The following MACROD2 variants were observed in gnomAD, a reference collection of about 807,000 sequenced individuals.
The protein encoded by MACROD2 is ADP-ribose glycohydrolase MACROD2.
MACROD2 carries 36 observed loss-of-function variants against 70.4 expected under a neutral mutation model. That is an observed-to-expected ratio of 0.51 (90% CI 0.39 to 0.68). MACROD2 has a LOEUF of 0.68. Among genes scored for constraint, MACROD2 ranks in the 30% least tolerant of loss-of-function variants. MACROD2 has a pLI of 0.00. For synonymous variants in MACROD2, 172 were observed against 178.8 expected, an observed-to-expected ratio of 0.96 and a Z score of 0.30; for missense variants, 496 against 538.4, an observed-to-expected ratio of 0.92 and a Z score of 0.78.
chr20:14,429,194 T>A (rs114652445), intron 3 of MACROD2, among the ~76,000 whole-genome samples: 1,797 of 152,268 alleles, frequency 0.012, 38 homozygotes, highest in African/African-American at 0.041. Flanking sequence ...GAGGTACAGG[T>A]TCTAAGGTTG....
At chr20:14,481,615 G>C (rs745374574) in intron 3 of MACROD2, among the ~76,000 whole-genome samples, 2 of 152,094 alleles carry the variant, frequency 1.3e-5, no homozygotes, top group Non-Finnish European at 2.9e-5. Flanking sequence ...GTGGGCATTG[G>C]ATATCCATCT....
intron 4 of MACROD2, among the ~76,000 whole-genome samples, chr20:14,608,520 T>C (rs566999262): frequency 7.2e-5 from 11 of 152,284 alleles, no homozygotes; most frequent in South Asian, 6.2e-4. Context: ...AACAGATCTT[T>C]CTGGATTTTA....
rs189171805 is a variant in MACROD2, at chr20:14,113,814, A to G, written c.271+28086A>G. Among the ~76,000 whole-genome samples the G allele has an allele frequency of 5.9e-5, 9 of 152,208 alleles. No homozygotes were observed. In the East Asian group the frequency reaches 1.7e-3, roughly 29 times the overall value. ...ATGCATAAGCCAGATTTCTCTTATG[A>G]TTCCCTTTGTGTTTATCCAATTCCT... On this transcript the variant is annotated intron_variant, in intron 3 of 17. Coordinates refer to ENST00000684519, the MANE Select transcript of MACROD2 (RefSeq NM_001351661.2).
intron 5 of MACROD2, among the ~76,000 whole-genome samples, chr20:14,774,006 T>G (rs1365256134): frequency 6.6e-6 from 1 of 152,120 alleles, no homozygotes; most frequent in Admixed American, 6.5e-5. Context: ...TAATATATAA[T>G]AGTTTTACAG....
intron 8 of MACROD2, among the ~76,000 whole-genome samples, chr20:15,714,916 A>G (rs559600795): frequency 1.6e-4 from 24 of 152,226 alleles, no homozygotes; most frequent in East Asian, 1.2e-3. Context: ...AAAGTTCCCC[A>G]GTTTTTTCAA....
At chr20:14,404,042 G>A (rs1464217870) in intron 3 of MACROD2, among the ~76,000 whole-genome samples, 1 of 151,994 alleles carries the variant, frequency 6.6e-6, no homozygotes, top group Non-Finnish European at 1.5e-5. Flanking sequence ...ATAATAAATT[G>A]AAAGTATAAT....
intron 3 of MACROD2, among the ~76,000 whole-genome samples, chr20:14,400,270 G>A (rs2083624103): frequency 1.3e-5 from 2 of 152,148 alleles, no homozygotes; most frequent in South Asian, 4.1e-4. Flanking sequence ...CAGTACCAGA[G>A]CAGATTTTAT....
chr20:15,318,406 T>C (rs1600235813), intron 6 of MACROD2, among the ~76,000 whole-genome samples: 1 of 152,068 alleles, frequency 6.6e-6, no homozygotes, highest in East Asian at 1.9e-4. Flanking sequence ...ATTTAAGCAA[T>C]TAACAGCAAT....
At chr20:14,451,628 A>G (rs2084246041) in intron 3 of MACROD2, among the ~76,000 whole-genome samples, 1 of 152,152 alleles carries the variant, frequency 6.6e-6, no homozygotes, top group South Asian at 2.1e-4. Context: ...GAGATTTCCC[A>G]GGGCACGTAG....
Position 14,211,467 on chromosome 20 carries a change from T to C in MACROD2, c.271+125739T>C, listed in dbSNP as rs111674994. On this transcript the variant is annotated intron_variant, in intron 3 of 17. Transcript: ENST00000684519. ...CAGAAATATTGATATATTTGATTAA[T>C]GTATGCTACTCCAGAATCTACTCAG... is the stretch of plus-strand genomic sequence containing the variant. 4.2e-3 allele frequency among the ~76,000 whole-genome samples: 645 copies of C among 152,312 alleles called. 9 individuals are homozygous for C. Among genetic ancestry groups the C allele is most frequent in the African/African-American group, 0.015 (609 of 41,574 alleles).
At chr20:14,860,594 T>A (rs1466453950) in intron 5 of MACROD2, among the ~76,000 whole-genome samples, 3 of 152,114 alleles carry the variant, frequency 2.0e-5, no homozygotes, top group Admixed American at 6.5e-5. Flanking sequence ...GCTTATGCCC[T>A]CCAGTTCTCA....
chr20:15,116,757 G>A (rs2075994694), intron 5 of MACROD2, among the ~76,000 whole-genome samples: 1 of 152,110 alleles, frequency 6.6e-6, no homozygotes, highest in South Asian at 2.1e-4. Flanking sequence ...ACTGTATACA[G>A]TATGCATTAA....
intron 8 of MACROD2, among the ~76,000 whole-genome samples, chr20:15,723,468 C>T (rs2050817503): frequency 2.0e-5 from 3 of 152,146 alleles, no homozygotes; most frequent in South Asian, 2.1e-4. Context: ...AACCCACTGA[C>T]GATCGCTGAT....
intron 4 of MACROD2, among the ~76,000 whole-genome samples, chr20:14,533,782 A>G (rs1304307782): frequency 6.6e-6 from 1 of 152,226 alleles, no homozygotes; most frequent in African/African-American, 2.4e-5. Context: ...TCACTAGTAA[A>G]GCCATATATT....
rs190399178 is a variant in MACROD2, at chr20:14,635,774, C to T, written c.302-49069C>T. On this transcript the variant is annotated intron_variant, in intron 4 of 17. Transcript: ENST00000684519. ...ACTATTAGACAAATAATGAATGTTA[C>T]ATGTTGGGTACAAGCATCCTTTGAA... Among the ~76,000 whole-genome samples, 16 of 152,236 alleles carry T rather than the reference C, an allele frequency of 1.1e-4. No individual in the cohort carries two copies. The East Asian group carries it at 3.1e-3, about 29-fold the overall frequency.
At chr20:15,835,979 A>G (rs146967781) in intron 8 of MACROD2, among the ~76,000 whole-genome samples, 1 of 152,340 alleles carries the variant, frequency 6.6e-6, no homozygotes, top group African/African-American at 2.4e-5. Context: ...TCTGTTTCTA[A>G]GAAGCCCCTG....
chr20:15,482,985 CTT>C lies in MACROD2; in HGVS notation c.572-16786_572-16785del, dbSNP rs1258862315. Among the ~76,000 whole-genome samples, 9 of 152,174 alleles carry C rather than the reference CTT, an allele frequency of 5.9e-5. No homozygotes were observed. The South Asian group carries it at 1.7e-3, about 28-fold the overall frequency. ...GATAAAAATCCTTTATCAAGTATGT[CTT>C]TTGCAAATATTTTCACTCTATCTGT... On this transcript the variant is annotated intron_variant, in intron 7 of 17. Coordinates refer to ENST00000684519, the MANE Select transcript of MACROD2 (RefSeq NM_001351661.2).
chr20:14,980,493 C>G (rs771895423), intron 5 of MACROD2, among the ~76,000 whole-genome samples: 1 of 152,108 alleles, frequency 6.6e-6, no homozygotes, highest in Admixed American at 6.6e-5. Flanking sequence ...TTCAGGTATT[C>G]CATTACAAAC....
chr20:15,170,589 C>A (rs1442274638), intron 5 of MACROD2, among the ~76,000 whole-genome samples: 1 of 152,072 alleles, frequency 6.6e-6, no homozygotes, highest in Non-Finnish European at 1.5e-5. Flanking sequence ...CTGACCAGGA[C>A]CATGACCACC....
Sources: allele counts gnomAD v4.1 joint callset (sites outside exome capture counted in the v4.1 genomes callset), GRCh38; gene constraint gnomAD v4.1.1; transcripts MANE v1.5; gene names NCBI Gene and HGNC (gene_info 2026-07-23, HGNC 2026-07-21).